ATP8A1: variants seen among roughly 807,000 people sequenced by gnomAD.
ATP8A1 encodes phospholipid-transporting ATPase IA.
In ATP8A1, 90 loss-of-function variants were observed where a neutral mutation model predicts 177.7. The observed-to-expected ratio is 0.51, with a 90% confidence interval of 0.43 to 0.60. The LOEUF (loss-of-function observed/expected upper bound fraction) is 0.60, where lower values mean the gene tolerates loss of function less well. ATP8A1 is among the 20% of genes least tolerant of loss of function. ATP8A1 has a pLI of 0.00. For synonymous variants in ATP8A1, 493 were observed against 485.9 expected, an observed-to-expected ratio of 1.01 and a Z score of -0.19; for missense variants, 1,072 against 1,392.8, an observed-to-expected ratio of 0.77 and a Z score of 3.67.
At position 42,552,591 on chromosome 4, in the gene ATP8A1, C is replaced by A. The variant is rs1392148813; in HGVS notation, c.1433G>T (p.Cys478Phe). 5 of 1,613,448 alleles carry A rather than the reference C, an allele frequency of 3.1e-6. No individual in the cohort carries two copies. The highest frequency in any genetic ancestry group is 4.2e-6 in the Non-Finnish European group (5 of 1,179,834). Residue 478 changes from cysteine to phenylalanine, a missense_variant, in exon 17 of 37, where the codon TGT (cysteine) becomes TTT (phenylalanine). By Grantham distance (205) the Cys-to-Phe change is radical (BLOSUM62 -2). Coordinates refer to ENST00000381668, the MANE Select transcript of ATP8A1 (RefSeq NM_006095.2). ...QNNHPTAPII[C>F]EFLTMMAVCH... ...GACTGCCATCATTGTAAGAAATTCA[C>A]ATATTATAGGTGCAGTTGGCTGTGA...
At chr4:42,488,915 A>C (rs1263126212) in intron 24 of ATP8A1, among the ~76,000 whole-genome samples, 1 of 152,218 alleles carries the variant, frequency 6.6e-6, no homozygotes, top group Non-Finnish European at 1.5e-5. Context: ...CTGCAATTAC[A>C]GATGCTCATG....
intron 20 of ATP8A1, among the ~76,000 whole-genome samples, chr4:42,529,390 T>C (rs914056768): frequency 1.3e-5 from 2 of 152,178 alleles, no homozygotes; most frequent in Non-Finnish European, 2.9e-5. Context: ...TGACCATGGG[T>C]CATCAAGTCA....
intron 20 of ATP8A1, among the ~76,000 whole-genome samples, chr4:42,527,935 C>T (rs1447134048): frequency 6.6e-6 from 1 of 152,036 alleles, no homozygotes; most frequent in African/African-American, 2.4e-5. Flanking sequence ...CCCATCCTTC[C>T]CCAGAGAGAC....
chr4:42,590,952 C>T, intron 6 of ATP8A1, 68 bp from the exon 7 acceptor site: 2 of 1,347,088 alleles, frequency 1.5e-6, no homozygotes, highest in South Asian at 2.6e-5. Flanking sequence ...AAAAAACAAA[C>T]AAATGGACAA....
chr4:42,447,067 G>A (rs899189000), intron 30 of ATP8A1, among the ~76,000 whole-genome samples: 1 of 152,172 alleles, frequency 6.6e-6, no homozygotes, highest in African/African-American at 2.4e-5. Context: ...ACTCACAGAG[G>A]GCCAAGGAAC....
chr4:42,549,137 A>T, intron 18 of ATP8A1, 75 bp from the exon 19 acceptor site: 1 of 1,233,066 alleles, frequency 8.1e-7, no homozygotes, highest in Non-Finnish European at 1.2e-6. Flanking sequence ...TCCTAGCCAT[A>T]AAATTTTACT....
rs572459310 is a variant in ATP8A1 at position 42,646,915 on chromosome 4, A to G, written c.49+9910T>C. 2.6e-5 allele frequency among the ~76,000 whole-genome samples: 4 copies of G among 152,344 alleles called. No individual in the cohort carries two copies. In the South Asian group the frequency reaches 8.3e-4, roughly 32 times the overall value. On this transcript the variant is annotated intron_variant, in intron 1 of 36. Coordinates refer to ENST00000381668, the MANE Select transcript of ATP8A1 (RefSeq NM_006095.2). ...TGTCCCTTTAGCACAAGTGATGGTG[A>G]TATTGTACATAAAAGAATACTACTT...
intron 24 of ATP8A1, among the ~76,000 whole-genome samples, chr4:42,492,940 A>T (rs1397430532): frequency 6.6e-6 from 1 of 152,220 alleles, no homozygotes; most frequent in Non-Finnish European, 1.5e-5. Flanking sequence ...ACAGAATGTT[A>T]TTAAAACACC....
chr4:42,462,675 G>A (rs2153182302), intron 27 of ATP8A1, among the ~76,000 whole-genome samples: 1 of 152,308 alleles, frequency 6.6e-6, no homozygotes, highest in Admixed American at 6.5e-5. Flanking sequence ...TTCCCCCTGG[G>A]GCACCACCTA....
intron 33 of ATP8A1, among the ~76,000 whole-genome samples, chr4:42,435,145 G>T (rs1560319787): frequency 6.6e-6 from 1 of 152,176 alleles, no homozygotes; most frequent in Non-Finnish European, 1.5e-5. Context: ...TGTCCAGTTG[G>T]CTGGGCGTGG....
chr4:42,534,099 T>G (rs142533650), intron 20 of ATP8A1, among the ~76,000 whole-genome samples: 2 of 152,254 alleles, frequency 1.3e-5, no homozygotes, highest in East Asian at 3.9e-4. Flanking sequence ...ATTCTGGTAA[T>G]ATGACAAAAC....
At position 42,482,344 on chromosome 4, in the gene ATP8A1, AAAG is replaced by A. The variant is rs1721774855; in HGVS notation, c.2324+3149_2324+3151del. On this transcript the variant is annotated intron_variant, in intron 25 of 36. Transcript: ENST00000381668. Reference sequence around the variant, plus strand: ...AAACAAACAAACAAACAAAAAAAAAAAAGAAAAGAAAATACAGTGCTGTTAGAC... The same window carrying A: ...AAACAAACAAACAAACAAAAAAAAAAAAAAGAAAATACAGTGCTGTTAGAC... Among the ~76,000 whole-genome samples the A allele has an allele frequency of 7.2e-5, 11 of 151,820 alleles. No individual in the cohort carries two copies. The South Asian group carries it at 2.3e-3, about 32-fold the overall frequency.
At chr4:42,446,895 T>TA (rs992511173) in intron 30 of ATP8A1, among the ~76,000 whole-genome samples, 72 of 147,090 alleles carry the variant, frequency 4.9e-4, no homozygotes, top group Middle Eastern at 3.5e-3. Flanking sequence ...TCCACAAGAT[T>TA]AAAAAAAAAA....
At chr4:42,473,266 A>C (rs184211111) in intron 25 of ATP8A1, among the ~76,000 whole-genome samples, 1 of 152,286 alleles carries the variant, frequency 6.6e-6, no homozygotes, top group East Asian at 1.9e-4. Context: ...TGCCCCCAAG[A>C]GTTATTAATT....
chr4:42,510,726 C>T (rs956423945), intron 22 of ATP8A1, among the ~76,000 whole-genome samples: 4 of 152,126 alleles, frequency 2.6e-5, no homozygotes, highest in African/African-American at 9.6e-5. Context: ...GAAAAATGAG[C>T]TCAGAAAGTC....
chr4:42,609,360 C>T (rs1056378983), intron 5 of ATP8A1, among the ~76,000 whole-genome samples: 4 of 152,128 alleles, frequency 2.6e-5, no homozygotes, highest in East Asian at 1.9e-4. Context: ...ATAAGTGGCA[C>T]GATGTGATCG....
chr4:42,458,038 A>G (rs1718679290), intron 27 of ATP8A1, among the ~76,000 whole-genome samples: 1 of 152,180 alleles, frequency 6.6e-6, no homozygotes, highest in Non-Finnish European at 1.5e-5. Context: ...CTTTCAATAG[A>G]GTACCTTAGA....
At position 42,409,466 on chromosome 4, in the gene ATP8A1, C is replaced by G. The variant is rs993267836; in HGVS notation, c.*3450G>C. 7.2e-5 allele frequency: 11 copies of G among 152,210 alleles called. No homozygotes were observed. The East Asian group carries it at 1.9e-3, about 27-fold the overall frequency. 9.4% of individuals were successfully genotyped at this position (152,210 alleles called of 1,614,324 possible). ...TCATCATTAAAAAGCATTTATTAGG[C>G]ACTGAACTGCATGATGTTACCTTAA... is the stretch of plus-strand genomic sequence containing the variant. On this transcript the variant is annotated 3_prime_UTR_variant, in exon 37 of 37. Coordinates refer to ENST00000381668, the MANE Select transcript of ATP8A1 (RefSeq NM_006095.2).
At chr4:42,489,693 C>T (rs1722552656) in intron 24 of ATP8A1, among the ~76,000 whole-genome samples, 2 of 152,034 alleles carry the variant, frequency 1.3e-5, no homozygotes, top group African/African-American at 4.8e-5. Flanking sequence ...TTTTCAAATT[C>T]TTTTATTTAT....
Sources: allele counts gnomAD v4.1 joint callset (sites outside exome capture counted in the v4.1 genomes callset), GRCh38; gene constraint gnomAD v4.1.1; transcripts MANE v1.5; gene names NCBI Gene and HGNC (gene_info 2026-07-23, HGNC 2026-07-21).